Variants in IL23R observed in about 807,000 individuals in gnomAD.
IL23R encodes the protein interleukin 23 receptor, also known as interleukin-23 receptor.
Under a neutral mutation model 56.9 loss-of-function variants are expected in IL23R, and 34 were observed. The observed-to-expected ratio is 0.60, with a 90% CI of 0.45 to 0.80. The LOEUF (loss-of-function observed/expected upper bound fraction) is 0.80. Among genes scored for constraint, IL23R ranks in the 30% least tolerant of loss-of-function variants. The probability of loss-of-function intolerance (pLI) is 0.00; values close to 1 mark genes in which losing one functional copy is unlikely to be tolerated. For missense variants in IL23R, 635 were observed against 730.0 expected (o/e 0.87, Z 1.50); for synonymous variants, 230 against 249.2 (o/e 0.92, Z 0.73).
intron 6 of IL23R, among the ~76,000 whole-genome samples, chr1:67,218,518 T>A (rs940428627): frequency 2.6e-5 from 4 of 152,002 alleles, no homozygotes; most frequent in African/African-American, 9.7e-5. Context: ...GATCTAAATA[T>A]CCAGCTGCAG....
At chr1:67,261,322 T>C (rs188047762), downstream of IL23R, among the ~76,000 whole-genome samples, 93 of 151,624 alleles carry the variant, frequency 6.1e-4, no homozygotes, top group East Asian at 0.017. Context: ...TTTATCTTTT[T>C]TTTTTTTTTT....
intron 9 of IL23R, among the ~76,000 whole-genome samples, chr1:67,253,645 C>G (rs1407908899): frequency 2.6e-5 from 4 of 152,136 alleles, no homozygotes; most frequent in African/African-American, 9.7e-5. Context: ...AAACATATTC[C>G]TAATACCCTT....
intron 3 of IL23R, among the ~76,000 whole-genome samples, chr1:67,170,665 C>T (rs918528554): frequency 2.0e-5 from 3 of 152,138 alleles, no homozygotes; most frequent in Non-Finnish European, 2.9e-5. Context: ...AGCACTTGAA[C>T]CCATTTTCAG....
At chr1:67,144,771 C>T (rs1646665676) in intron 1 of IL23R, among the ~76,000 whole-genome samples, 1 of 151,598 alleles carries the variant, frequency 6.6e-6, no homozygotes, top group Admixed American at 6.6e-5. Context: ...TCTATCTTCC[C>T]ACAACCTATT....
intron 4 of IL23R, chr1:67,196,005 G>A (rs1246606966): frequency 6.6e-6 from 1 of 152,310 alleles, no homozygotes; most frequent in African/African-American, 2.4e-5. Context: ...AAGATATATA[G>A]TAGTAACAGG....
intron 1 of IL23R, among the ~76,000 whole-genome samples, chr1:67,167,412 T>C (rs11465766): frequency 1.3e-5 from 2 of 152,206 alleles, no homozygotes; most frequent in African/African-American, 4.8e-5. Flanking sequence ...AGAGCACATA[T>C]TGCTTAATCT....
intron 7 of IL23R, among the ~76,000 whole-genome samples, chr1:67,220,579 T>C (rs914100876): frequency 6.6e-6 from 1 of 152,016 alleles, no homozygotes; most frequent in African/African-American, 2.4e-5. Context: ...ATAAAAACCA[T>C]CTGGGAGGCT....
chr1:67,248,615 A>G (rs890417119), intron 9 of IL23R, among the ~76,000 whole-genome samples: 17 of 152,162 alleles, frequency 1.1e-4, no homozygotes, highest in African/African-American at 2.7e-4. Flanking sequence ...ACTTCTGTCA[A>G]TTCATCAAAC....
At chr1:67,242,158 C>A (rs1469667277) in intron 9 of IL23R, among the ~76,000 whole-genome samples, 1 of 152,136 alleles carries the variant, frequency 6.6e-6, no homozygotes, top group Non-Finnish European at 1.5e-5. Flanking sequence ...TGATGCCCTG[C>A]TAGAAGAGTG....
upstream of IL23R, among the ~76,000 whole-genome samples, chr1:67,165,602 C>G (rs371851440): frequency 5.9e-5 from 9 of 152,144 alleles, 1 homozygote; most frequent in East Asian, 1.2e-3. Flanking sequence ...GGTAAAGAAT[C>G]TGTAGGCTAT....
upstream of IL23R, among the ~76,000 whole-genome samples, chr1:67,164,622 A>C (rs1280841483): frequency 6.7e-6 from 1 of 149,440 alleles, no homozygotes; most frequent in Non-Finnish European, 1.5e-5. Flanking sequence ...ACAGAGCAAA[A>C]CTCTGTCACA....
intron 6 of IL23R, among the ~76,000 whole-genome samples, chr1:67,208,904 G>A (rs1649263302): frequency 6.6e-6 from 1 of 152,194 alleles, no homozygotes. Context: ...ACCAGCCCAT[G>A]AAAGCAGCTG....
At chr1:67,143,737 T>C (rs1646657854) in intron 1 of IL23R, among the ~76,000 whole-genome samples, 1 of 152,192 alleles carries the variant, frequency 6.6e-6, no homozygotes, top group Non-Finnish European at 1.5e-5. Flanking sequence ...TGAAGTAAGA[T>C]GCCTTTGCAT....
chr1:67,241,870 A>G (rs559322891), intron 9 of IL23R, among the ~76,000 whole-genome samples: 2 of 152,216 alleles, frequency 1.3e-5, no homozygotes, highest in Non-Finnish European at 2.9e-5. Flanking sequence ...CTACATGAAG[A>G]GTCTACTCAC....
chr1:67,246,437 A>G (rs1652228411), intron 9 of IL23R, among the ~76,000 whole-genome samples: 1 of 151,996 alleles, frequency 6.6e-6, no homozygotes, highest in African/African-American at 2.4e-5. Flanking sequence ...CAGCTTTGTG[A>G]TGTGGGCATT....
chr1:67,189,327 C>G (rs1197039005), intron 4 of IL23R, among the ~76,000 whole-genome samples: 1 of 152,026 alleles, frequency 6.6e-6, no homozygotes, highest in East Asian at 1.9e-4. Context: ...TCCTGAATCT[C>G]CCCTTCACTG....
At position 67,166,553 on chromosome 1, in the gene IL23R, G is replaced by A. The variant is rs1646875521; in HGVS notation, c.-30+12G>A. On this transcript the variant is annotated intron_variant, in intron 1 of 10. Transcript: ENST00000347310. ...AAACAGGTTGAAAGGTAAATAGGCA[G>A]CGATCATCCAAATACTTAAAGACAG... is the stretch of plus-strand genomic sequence containing the variant. The A allele has an allele frequency of 6.6e-6, 1 of 152,374 alleles. No individual in the cohort carries two copies. Among genetic ancestry groups the A allele is most frequent in the South Asian group, 2.1e-4 (1 of 4,832 alleles). 9.4% of individuals were successfully genotyped at this position (152,374 alleles called of 1,614,324 possible). A position where few individuals can be genotyped will look rare whatever the true frequency, so the allele number is the denominator to read the frequency against.
chr1:67,228,145 T>C (rs1197347158), intron 7 of IL23R, among the ~76,000 whole-genome samples: 19 of 133,078 alleles, frequency 1.4e-4, no homozygotes, highest in Non-Finnish European at 2.4e-4. Context: ...TCTTTCTGTC[T>C]TTCTTTTTCC....
intron 1 of IL23R, among the ~76,000 whole-genome samples, chr1:67,148,913 C>G (rs1646705208): frequency 6.6e-6 from 1 of 152,092 alleles, no homozygotes; most frequent in Non-Finnish European, 1.5e-5. Context: ...GTTCCTAAGA[C>G]CCACTATTCC....
Sources: allele counts gnomAD v4.1 joint callset (sites outside exome capture counted in the v4.1 genomes callset), GRCh38; gene constraint gnomAD v4.1.1; transcripts MANE v1.5; gene names NCBI Gene and HGNC (gene_info 2026-07-23, HGNC 2026-07-21).